Variants in EYA1 observed in about 807,000 individuals in gnomAD.
EYA1 encodes EYA transcriptional coactivator and phosphatase 1.
In EYA1, 16 loss-of-function variants were observed where a neutral mutation model predicts 82.0. The observed-to-expected ratio is 0.20, with a 90% CI of 0.13 to 0.30. The LOEUF (loss-of-function observed/expected upper bound fraction) is 0.30, where lower values mean the gene tolerates loss of function less well. Ranked by LOEUF, EYA1 falls within the 10% of genes least tolerant of loss-of-function variation. The pLI, the probability that EYA1 is intolerant of heterozygous loss-of-function variation, is 1.00. For missense variants in EYA1, 633 were observed against 730.7 expected, an observed-to-expected ratio of 0.87 and a Z score of 1.54; for synonymous variants, 261 against 264.4, an observed-to-expected ratio of 0.99 and a Z score of 0.12.
chr8:71,311,798 G>T (rs999510759), intron 7 of EYA1, among the ~76,000 whole-genome samples: 1 of 152,132 alleles, frequency 6.6e-6, no homozygotes, highest in Non-Finnish European at 1.5e-5. Flanking sequence ...TTACAGCAAA[G>T]GTGAAAACAA....
chr8:71,297,575 T>C (rs1265006841), intron 9 of EYA1, among the ~76,000 whole-genome samples: 1 of 152,168 alleles, frequency 6.6e-6, no homozygotes, highest in Admixed American at 6.5e-5. Context: ...TCCTTTTAGT[T>C]TTCAGGAAGC....
intron 11 of EYA1, among the ~76,000 whole-genome samples, chr8:71,249,396 A>G (rs1813481664): frequency 6.7e-6 from 1 of 149,874 alleles, no homozygotes; most frequent in African/African-American, 2.5e-5. Context: ...GAGGAAGGGG[A>G]AGCAAACATA....
intron 3 of EYA1, among the ~76,000 whole-genome samples, chr8:71,348,033 C>A (rs900501075): frequency 2.0e-5 from 3 of 152,052 alleles, no homozygotes; most frequent in African/African-American, 7.2e-5. Flanking sequence ...TTTCTCTCTA[C>A]TATAGTATAG....
chr8:71,417,301 G>A lies in EYA1; in HGVS notation c.34-60790C>T, dbSNP rs547038617. ...CAAATACAACCCCTAATTTTATATC[G>A]TTAGCCCAGTAGTCCACAACAGTAG... On this transcript the variant is annotated intron_variant, in intron 2 of 18. Transcript: ENST00000643681. Among the ~76,000 whole-genome samples the A allele has an allele frequency of 1.9e-3, 295 of 152,142 alleles. 1 individual carries two copies. Among genetic ancestry groups the A allele is most frequent in the Admixed American group, 4.2e-3 (64 of 15,282 alleles).
chr8:71,345,498 T>C (rs867178841), intron 3 of EYA1, among the ~76,000 whole-genome samples: 10 of 152,222 alleles, frequency 6.6e-5, no homozygotes, highest in Non-Finnish European at 1.0e-4. Context: ...TTCAGGACTC[T>C]TGGCTCCCTG....
At chr8:71,418,342 C>T (rs1469192495) in intron 2 of EYA1, among the ~76,000 whole-genome samples, 1 of 152,186 alleles carries the variant, frequency 6.6e-6, no homozygotes, top group Non-Finnish European at 1.5e-5. Context: ...CATCCCTGAG[C>T]TCAGAGTCCC....
intron 1 of EYA1, among the ~76,000 whole-genome samples, chr8:71,357,347 A>T (rs1402977157): frequency 6.6e-6 from 1 of 152,254 alleles, no homozygotes; most frequent in African/African-American, 2.4e-5. Flanking sequence ...TCTGTACTTC[A>T]GGACTTCACT....
At chr8:71,293,744 T>C (rs1052175791) in intron 9 of EYA1, among the ~76,000 whole-genome samples, 1 of 151,330 alleles carries the variant, frequency 6.6e-6, no homozygotes, top group Admixed American at 6.6e-5. Context: ...TACCCATTCA[T>C]AATAAAAAAA....
intron 12 of EYA1, among the ~76,000 whole-genome samples, chr8:71,228,554 T>C (rs1810828518): frequency 6.6e-6 from 1 of 152,188 alleles, no homozygotes; most frequent in South Asian, 2.1e-4. Flanking sequence ...AATCATGCTT[T>C]GGTTGTTTAT....
intron 17 of EYA1, among the ~76,000 whole-genome samples, chr8:71,208,656 C>CAACA (rs1055767026): frequency 6.6e-6 from 1 of 152,032 alleles, no homozygotes; most frequent in African/African-American, 2.4e-5. Context: ...TGCAGCAAAC[C>CAACA]AACATGGCAC....
rs140250325 is a variant in EYA1 at position 71,323,465 on chromosome 8, G to A, written c.203-1197C>T. Among the ~76,000 whole-genome samples the A allele has an allele frequency of 4.7e-3, 709 of 152,174 alleles. 2 individuals carry two copies. The highest frequency in any genetic ancestry group is 7.1e-3 in the Non-Finnish European group (483 of 67,996). ...AATGTTTCTCAAATTTAATTTTCTAGCTTGTGTTTGGGATGACAATGGTAG... is the reference window on the plus strand; with the variant it reads ...AATGTTTCTCAAATTTAATTTTCTAACTTGTGTTTGGGATGACAATGGTAG... On this transcript the variant is annotated intron_variant, in intron 4 of 17. Coordinates refer to ENST00000340726, the MANE Select transcript of EYA1 (RefSeq NM_000503.6).
chr8:71,378,536 AG>A (rs1340957836), intron 2 of EYA1, among the ~76,000 whole-genome samples: 1 of 152,202 alleles, frequency 6.6e-6, no homozygotes, highest in Non-Finnish European at 1.5e-5. Context: ...GGATCTGATC[AG>A]ATTGTGATAA....
chr8:71,364,459 A>C (rs1827624283), upstream of EYA1, among the ~76,000 whole-genome samples: 1 of 152,080 alleles, frequency 6.6e-6, no homozygotes, highest in Non-Finnish European at 1.5e-5. Flanking sequence ...ATAGCCTCTT[A>C]TTTCTAAATC....
At chr8:71,384,708 C>T (rs1563556963) in intron 2 of EYA1, among the ~76,000 whole-genome samples, 2 of 152,150 alleles carry the variant, frequency 1.3e-5, no homozygotes, top group Non-Finnish European at 2.9e-5. Flanking sequence ...TCTTTTTCTA[C>T]TAGTATTATT....
At chr8:71,208,570 C>T (rs914444755) in intron 17 of EYA1, among the ~76,000 whole-genome samples, 2 of 152,072 alleles carry the variant, frequency 1.3e-5, no homozygotes, top group African/African-American at 4.8e-5. Flanking sequence ...ATTGAGCACC[C>T]ATTTGTCAAA....
chr8:71,378,728 T>C (rs1449970053), intron 2 of EYA1, among the ~76,000 whole-genome samples: 5 of 152,194 alleles, frequency 3.3e-5, no homozygotes, highest in African/African-American at 1.2e-4. Flanking sequence ...TTGTATATTC[T>C]TGGTCAACCT....
At chr8:71,219,694 T>C (rs1809648462) in intron 12 of EYA1, among the ~76,000 whole-genome samples, 1 of 152,172 alleles carries the variant, frequency 6.6e-6, no homozygotes, top group Admixed American at 6.5e-5. Context: ...TTTTAATTCA[T>C]GAAAGAATGA....
intron 11 of EYA1, among the ~76,000 whole-genome samples, chr8:71,255,141 T>C (rs565826475): frequency 2.0e-5 from 3 of 152,248 alleles, no homozygotes; most frequent in Non-Finnish European, 4.4e-5. Context: ...TGTTCATGGA[T>C]GAAAGATATA....
intron 2 of EYA1, among the ~76,000 whole-genome samples, chr8:71,518,349 T>G (rs2129266110): frequency 6.6e-6 from 1 of 152,270 alleles, no homozygotes; most frequent in South Asian, 2.1e-4. Context: ...CTCAATTTCC[T>G]TCTTTTCCAA....
Sources: gnomAD v4.1 joint callset for allele counts (sites outside exome capture counted in the v4.1 genomes callset) on GRCh38, gnomAD v4.1.1 for gene constraint, MANE v1.5 for transcripts, NCBI Gene and HGNC (gene_info 2026-07-23, HGNC 2026-07-21) for gene names.